NRP2: variants seen among roughly 807,000 people sequenced by gnomAD.
NRP2 encodes neuropilin 2, also known as neuropilin-2.
Under a neutral mutation model 110.4 loss-of-function variants are expected in NRP2, and 52 were observed. The observed-to-expected ratio is 0.47, with a 90% confidence interval of 0.38 to 0.59. NRP2 has a LOEUF of 0.59. NRP2 is among the 20% of genes least tolerant of loss of function. The pLI is 0.00. For missense variants in NRP2, 1,049 were observed against 1,203.0 expected (o/e 0.87, Z 1.89); for synonymous variants, 508 against 468.9 (o/e 1.08, Z -1.08).
chr2:205,745,961 T>TG, intron 10 of NRP2, 71 bp downstream of exon 10: 1 of 1,575,702 alleles, frequency 6.3e-7, no homozygotes, highest in Non-Finnish European at 8.7e-7. Context: ...CACGAGGCCC[T>TG]GGGAGGGCTG....
chr2:205,746,963 C>CACTT (rs1176046762), intron 10 of NRP2, among the ~76,000 whole-genome samples: 1 of 152,160 alleles, frequency 6.6e-6, no homozygotes, highest in East Asian at 1.9e-4. Context: ...CATAGGAAGA[C>CACTT]ACTTAACTCC....
chr2:205,785,032 G>A (rs2058220715), intron 15 of NRP2, among the ~76,000 whole-genome samples: 1 of 152,166 alleles, frequency 6.6e-6, no homozygotes, highest in Non-Finnish European at 1.5e-5. Flanking sequence ...ATATCACAGA[G>A]TCATTCATTC....
In NRP2 at chr2:205,776,057, G is replaced by T. The variant is rs187165364; in HGVS notation, c.2425+9254G>T. 32 of 747,514 alleles carry T rather than the reference G, an allele frequency of 4.3e-5. No homozygotes were observed. In the African/African-American group the frequency reaches 4.6e-4, roughly 11 times the overall value. The allele number at this position is 747,514 out of a possible 1,614,324, so 46.3% of individuals were successfully genotyped here. ...CTGACAATAGCTACCTCCCAAGGGG[G>T]TAAGTAGGAAATAATGCAATCGTTG... On this transcript the variant is annotated intron_variant, in intron 15 of 16. Transcript: ENST00000357785.
At chr2:205,754,158 C>T (rs942884419) in intron 12 of NRP2, among the ~76,000 whole-genome samples, 1 of 152,158 alleles carries the variant, frequency 6.6e-6, no homozygotes, top group African/African-American at 2.4e-5. Context: ...TCCATAAGCA[C>T]TGGAGAGGAG....
At chr2:205,765,373 C>T (rs748765816) in intron 13 of NRP2, 101 bp from the exon 14 acceptor site, 175 of 934,374 alleles carry the variant, frequency 1.9e-4, no homozygotes, top group Non-Finnish European at 2.7e-4. Flanking sequence ...CACACATACA[C>T]ACACACGCTT....
intron 13 of NRP2, 52 bp from the exon 14 acceptor site, chr2:205,765,422 G>A (rs927148524): frequency 3.4e-5 from 50 of 1,487,318 alleles, no homozygotes; most frequent in East Asian, 1.1e-4. Context: ...TCCTTGCACC[G>A]TTTGGACTAG....
chr2:205,684,437 C>T (rs1341780948), intron 1 of NRP2, among the ~76,000 whole-genome samples: 2 of 152,170 alleles, frequency 1.3e-5, no homozygotes, highest in Non-Finnish European at 2.9e-5. Context: ...TGCCCTCACC[C>T]AAGGCACTTG....
Position 205,765,551 on chromosome 2 carries a change from C to T in NRP2, c.2385C>T (p.Val795=). Residue 795 remains valine, a synonymous_variant, in exon 14 of 17, where the codon GTC becomes GTT. Coordinates refer to ENST00000357785, the MANE Select transcript of NRP2 (RefSeq NM_003872.3). ...AIDDIRISTD[V]PLENCMEPIS... is the part of the protein sequence containing the mutation. Reference sequence around the variant, plus strand: ...ATGACATTCGGATAAGCACTGATGTCCCACTGGAGAACTGCATGGGTATGT... The same window carrying T: ...ATGACATTCGGATAAGCACTGATGTTCCACTGGAGAACTGCATGGGTATGT... 1 of 1,613,696 alleles carries T rather than the reference C, an allele frequency of 6.2e-7. No homozygotes were observed. Among genetic ancestry groups the T allele is most frequent in the Non-Finnish European group, 8.5e-7 (1 of 1,179,644 alleles).
At chr2:205,727,762 C>A in intron 6 of NRP2, 129 bp from the exon 7 acceptor site, 2 of 865,082 alleles carry the variant, frequency 2.3e-6, no homozygotes, top group Non-Finnish European at 3.5e-6. Context: ...ATACTAATTA[C>A]AAGTATGTCT....
At chr2:205,711,230 G>A (rs1355260741) in intron 2 of NRP2, among the ~76,000 whole-genome samples, 1 of 152,152 alleles carries the variant, frequency 6.6e-6, no homozygotes, top group Non-Finnish European at 1.5e-5. Flanking sequence ...CCTCCTACAT[G>A]CCAGGCACCA....
chr2:205,702,761 A>G (rs1479662442), intron 2 of NRP2, among the ~76,000 whole-genome samples: 2 of 152,190 alleles, frequency 1.3e-5, no homozygotes, highest in African/African-American at 4.8e-5. Context: ...TGTGCTCAGT[A>G]AACACCCTCG....
intron 1 of NRP2, among the ~76,000 whole-genome samples, chr2:205,697,072 C>T (rs529833047): frequency 1.7e-4 from 26 of 152,218 alleles, no homozygotes; most frequent in Admixed American, 5.2e-4. Context: ...ACAAAACCAC[C>T]ATTGTCAGTT....
rs1045559626 is a variant in NRP2, at chr2:205,746,004, G to A, written c.1786+114G>A. On this transcript the variant is annotated intron_variant, in intron 10 of 16. Transcript: ENST00000357785. The stretch of plus-strand genomic sequence containing the variant: ...GGCAGCCATCCCAGGAGCTGGAAAT[G>A]CTGCAGACCCCTGCCATGTTCTCCT... The A allele has an allele frequency of 2.4e-5, 29 of 1,199,474 alleles. No homozygotes were observed. The African/African-American group carries it at 4.2e-4, about 17-fold the overall frequency. The allele number at this position is 1,199,474 out of a possible 1,614,324, so 74.3% of individuals were successfully genotyped here. A position where few individuals can be genotyped will look rare whatever the true frequency, so the allele number is the denominator to read the frequency against.
At position 205,763,417 on chromosome 2, in the gene NRP2, G is replaced by A. The variant is rs954005200; in HGVS notation, c.2045-257G>A. 2.0e-5 allele frequency among the ~76,000 whole-genome samples: 3 copies of A among 152,162 alleles called. No homozygotes were observed. Among genetic ancestry groups the A allele is most frequent in the Admixed American group, 2.0e-4 (3 of 15,284 alleles). ...GCTGTGCCGGGTGCTCCATGTGAAAGAGATGGAAAGGAAATGATACCGAGA... is the reference window on the plus strand; with the variant it reads ...GCTGTGCCGGGTGCTCCATGTGAAAAAGATGGAAAGGAAATGATACCGAGA... On this transcript the variant is annotated intron_variant, in intron 12 of 16. Coordinates refer to ENST00000357785, the MANE Select transcript of NRP2 (RefSeq NM_003872.3). This position sits in a 1 kb window ranked among gnomAD's most constrained non-coding sequence, Gnocchi z 4.0.
intron 1 of NRP2, among the ~76,000 whole-genome samples, chr2:205,689,647 C>G (rs1040081411): frequency 1.3e-5 from 2 of 152,158 alleles, no homozygotes; most frequent in Non-Finnish European, 2.9e-5. Context: ...GAGTTCTTAT[C>G]TTAGATTTAT....
intron 11 of NRP2, among the ~76,000 whole-genome samples, chr2:205,752,127 C>T (rs1441635585): frequency 5.9e-5 from 9 of 152,296 alleles, no homozygotes; most frequent in African/African-American, 2.2e-4. Context: ...GGGTCGCAGC[C>T]TCCAGGGATT....
chr2:205,714,993 C>A (rs1262857296), intron 2 of NRP2, among the ~76,000 whole-genome samples: 2 of 152,140 alleles, frequency 1.3e-5, no homozygotes, highest in African/African-American at 4.8e-5. Flanking sequence ...TCTCCTTACC[C>A]GCAAGGAAGA....
At chr2:205,782,561 T>A (rs559087460) in intron 15 of NRP2, among the ~76,000 whole-genome samples, 1 of 152,336 alleles carries the variant, frequency 6.6e-6, no homozygotes, top group African/African-American at 2.4e-5. Flanking sequence ...TTGAGGAGTA[T>A]GTTTCCAGGC....
At chr2:205,791,461 C>T (rs3770990) in intron 15 of NRP2, among the ~76,000 whole-genome samples, 5 of 152,020 alleles carry the variant, frequency 3.3e-5, no homozygotes, top group Non-Finnish European at 5.9e-5. Context: ...TTCAGTGGTT[C>T]TGATTTCTAT....
Sources: allele counts gnomAD v4.1 joint callset (sites outside exome capture counted in the v4.1 genomes callset), GRCh38; gene constraint gnomAD v4.1.1; non-coding constraint Gnocchi (gnomAD v3.1); transcripts MANE v1.5; gene names NCBI Gene and HGNC (gene_info 2026-07-23, HGNC 2026-07-21).